The following DISP1 variants were observed in gnomAD, a reference collection of about 807,000 sequenced individuals.
DISP1 encodes the protein protein dispatched homolog 1.
In DISP1, 30 loss-of-function variants were observed where a neutral mutation model predicts 37.3. The observed-to-expected ratio is 0.80, with a 90% CI of 0.60 to 1.09. The LOEUF is 1.09. Ranked by LOEUF, DISP1 falls within the 50% of genes least tolerant of loss-of-function variation. The probability of loss-of-function intolerance (pLI) is 0.00; values close to 1 mark genes in which losing one functional copy is unlikely to be tolerated. For missense variants in DISP1, 1,598 were observed against 1,879.5 expected, an observed-to-expected ratio of 0.85 and a Z score of 2.77; for synonymous variants, 634 against 690.2, an observed-to-expected ratio of 0.92 and a Z score of 1.28.
At chr1:222,839,405 A>G (rs1332283550) in intron 1 of DISP1, among the ~76,000 whole-genome samples, 1 of 152,150 alleles carries the variant, frequency 6.6e-6, no homozygotes, top group African/African-American at 2.4e-5. Context: ...CCTGGTGCCA[A>G]AAAGATTAGG....
rs147979542 is a variant in DISP1 at position 222,839,825 on chromosome 1, C to T, written c.-159+24747C>T. Among the ~76,000 whole-genome samples, 684 of 151,726 alleles carry T rather than the reference C, an allele frequency of 4.5e-3. 5 individuals are homozygous for T. The highest frequency in any genetic ancestry group is 0.015 in the African/African-American group (631 of 41,360). ...GCATGCGCCTGTAGTCCCAGGTACT[C>T]GGGAGGCTGAGGCAGGGGAATTGCT... On this transcript the variant is annotated intron_variant, in intron 1 of 8. Coordinates refer to ENST00000675850, the MANE Select transcript of DISP1 (RefSeq NM_001377229.1).
chr1:222,868,590 C>A (rs953299334), intron 1 of DISP1, among the ~76,000 whole-genome samples: 1 of 151,982 alleles, frequency 6.6e-6, no homozygotes, highest in Non-Finnish European at 1.5e-5. Flanking sequence ...TTAGAGAGAT[C>A]TAATAAATCC....
chr1:222,973,497 G>A (rs921658333), intron 3 of DISP1, among the ~76,000 whole-genome samples: 1 of 152,100 alleles, frequency 6.6e-6, no homozygotes, highest in Admixed American at 6.6e-5. Flanking sequence ...GTATGTATAT[G>A]TTTGTATATG....
rs369568611 is a variant in DISP1 at position 223,002,375 on chromosome 1, A to C, written c.988-10A>C. On this transcript the variant is annotated splice_polypyrimidine_tract_variant and intron_variant, in intron 8 of 8. Transcript: ENST00000675850. ...AACTGTAGTCCTTCTGCTTGTCTCT[A>C]TCTCTGCAGATCAGATCTCATCCCC... 1.5e-4 allele frequency: 248 copies of C among 1,612,662 alleles called. No homozygotes were observed. The highest frequency in any genetic ancestry group is 2.0e-4 in the Non-Finnish European group (232 of 1,179,110).
intron 3 of DISP1, among the ~76,000 whole-genome samples, chr1:222,978,761 C>T (rs908831605): frequency 6.6e-6 from 1 of 152,144 alleles, no homozygotes; most frequent in Non-Finnish European, 1.5e-5. Flanking sequence ...TTCCCAGCAC[C>T]ATTTATTAAA....
intron 5 of DISP1, 40 bp from the exon 6 acceptor site, chr1:222,991,479 GA>G (rs764200739): frequency 6.2e-7 from 1 of 1,612,594 alleles, no homozygotes; most frequent in South Asian, 1.1e-5. Context: ...TACTTAGCCT[GA>G]AATGAAATAT....
chr1:222,874,425 A>G (rs1252510935), intron 1 of DISP1, among the ~76,000 whole-genome samples: 4 of 152,098 alleles, frequency 2.6e-5, no homozygotes, highest in South Asian at 2.1e-4. Flanking sequence ...ACATAGTCCC[A>G]TATTTCTTGG....
At chr1:222,834,105 G>A (rs1046927753) in intron 1 of DISP1, among the ~76,000 whole-genome samples, 4 of 152,050 alleles carry the variant, frequency 2.6e-5, no homozygotes, top group Non-Finnish European at 5.9e-5. Context: ...TGTCTATTTT[G>A]TACCACTGTA....
At chr1:222,938,984 T>G (rs1674177969) in intron 2 of DISP1, among the ~76,000 whole-genome samples, 1 of 152,184 alleles carries the variant, frequency 6.6e-6, no homozygotes, top group Non-Finnish European at 1.5e-5. Context: ...ACCTGTACTT[T>G]TTACATACTT....
intron 3 of DISP1, among the ~76,000 whole-genome samples, chr1:222,951,218 A>G (rs1259337051): frequency 1.3e-5 from 2 of 151,998 alleles, no homozygotes; most frequent in Non-Finnish European, 2.9e-5. Flanking sequence ...TGCCACCCCC[A>G]TATGTTATGA....
chr1:222,934,634 C>T (rs1673604725), intron 2 of DISP1, among the ~76,000 whole-genome samples: 1 of 151,982 alleles, frequency 6.6e-6, no homozygotes, highest in African/African-American at 2.4e-5. Context: ...ACAGGTATCC[C>T]CAGACTGCCT....
intron 2 of DISP1, 51 bp from the exon 3 acceptor site, chr1:222,942,756 A>G (rs960729791): frequency 2.5e-6 from 4 of 1,602,844 alleles, no homozygotes; most frequent in Non-Finnish European, 3.4e-6. Flanking sequence ...TCTTTCCTAC[A>G]TATTTGCCTG....
Position 222,954,901 on chromosome 1 carries a change from T to C in DISP1, c.509+11569T>C, listed in dbSNP as rs564705095. ...AACAGGAGTGCAACTGCCTGAAATATAGGAACAGGAGGCCTGGAGGCACCA... is the reference window on the plus strand; with the variant it reads ...AACAGGAGTGCAACTGCCTGAAATACAGGAACAGGAGGCCTGGAGGCACCA... On this transcript the variant is annotated intron_variant, in intron 3 of 8. Coordinates refer to ENST00000675850, the MANE Select transcript of DISP1 (RefSeq NM_001377229.1). 1.1e-3 allele frequency among the ~76,000 whole-genome samples: 167 copies of C among 151,408 alleles called. 1 individual carries two copies. The highest frequency in any genetic ancestry group is 5.3e-4 in the Non-Finnish European group (36 of 67,824).
intron 3 of DISP1, among the ~76,000 whole-genome samples, chr1:222,975,182 C>T (rs778737440): frequency 6.6e-6 from 1 of 151,930 alleles, no homozygotes; most frequent in Non-Finnish European, 1.5e-5. Flanking sequence ...CATGCCACCA[C>T]CCCAGCTAAT....
chr1:222,958,651 T>C (rs1187609753), intron 3 of DISP1, among the ~76,000 whole-genome samples: 10 of 152,124 alleles, frequency 6.6e-5, no homozygotes, highest in Non-Finnish European at 1.5e-4. Context: ...ATTTTAGTCT[T>C]CTTTGGTTAA....
At chr1:222,866,632 C>T (rs61840272) in intron 1 of DISP1, among the ~76,000 whole-genome samples, 18,099 of 152,028 alleles carry the variant, frequency 0.12, 1,173 homozygotes, top group African/African-American at 0.14. Context: ...TGTGAGCCAC[C>T]GCGCCCAGCT....
chr1:222,982,958 C>A, intron 3 of DISP1, 122 bp from the exon 4 acceptor site: 3 of 757,018 alleles, frequency 4.0e-6, no homozygotes, highest in Non-Finnish European at 6.6e-6. Context: ...TTAACACTTC[C>A]AAGATTCTTT....
rs147223870 is a variant in DISP1, at chr1:223,003,836, T to A, written c.2439T>A (p.Asp813Glu). The change falls in exon 9 of 9, where the codon GAT (aspartate) becomes GAA (glutamate). Residue 813 changes from aspartate to glutamate, a missense_variant. Asp to Glu is a conservative substitution (Grantham distance 45). Coordinates refer to ENST00000675850, the MANE Select transcript of DISP1 (RefSeq NM_001377229.1). The surrounding 1 kb of genome is among the most constrained non-coding windows in gnomAD (Gnocchi z 4.3). Reference sequence around the variant, plus strand: ...AGAGTAAAGGGAAGTTGACATTAGATAGCAGTTTTAACATCGCCAGCCCAG... The same window carrying A: ...AGAGTAAAGGGAAGTTGACATTAGAAAGCAGTTTTAACATCGCCAGCCCAG... ...NPKSKGKLTL[D>E]SSFNIASPAS... The A allele has an allele frequency of 6.2e-7, 1 of 1,614,116 alleles. No individual in the cohort carries two copies. The highest frequency in any genetic ancestry group is 8.5e-7 in the Non-Finnish European group (1 of 1,180,054).
In DISP1 at chr1:222,923,747, G is replaced by T. The variant is rs187270854; in HGVS notation, c.-158-4683G>T. Among the ~76,000 whole-genome samples the T allele has an allele frequency of 2.5e-3, 387 of 152,220 alleles. 4 individuals are homozygous for T. The highest frequency in any genetic ancestry group is 9.1e-3 in the African/African-American group (376 of 41,534). On this transcript the variant is annotated intron_variant, in intron 1 of 8. Transcript: ENST00000675850. The stretch of plus-strand genomic sequence containing the variant: ...TTATAAGCCCTCTGGAGTTGAGAGT[G>T]TGCATTTGTTTTAGGTCTCTGCTTC...
Sources: gnomAD v4.1 joint callset for allele counts (sites outside exome capture counted in the v4.1 genomes callset) on GRCh38, gnomAD v4.1.1 for gene constraint, Gnocchi (gnomAD v3.1) non-coding constraint, MANE v1.5 for transcripts, NCBI Gene and HGNC (gene_info 2026-07-23, HGNC 2026-07-21) for gene names.